ARHGAP15: variants seen among roughly 807,000 people sequenced by gnomAD.
ARHGAP15 encodes rho GTPase-activating protein 15.
ARHGAP15 carries 51 observed loss-of-function variants against 63.7 expected under a neutral mutation model. The observed-to-expected ratio is 0.80, with a 90% confidence interval of 0.64 to 1.01. The LOEUF is 1.01. Among genes scored for constraint, ARHGAP15 ranks in the 50% least tolerant of loss-of-function variants. The pLI, the probability that ARHGAP15 is intolerant of heterozygous loss-of-function variation, is 0.00. For missense variants in ARHGAP15, 560 were observed against 564.6 expected (o/e 0.99, Z 0.08); for synonymous variants, 191 against 193.8 (o/e 0.99, Z 0.12).
chr2:143,666,058 G>GA (rs1160706722), intron 12 of ARHGAP15, among the ~76,000 whole-genome samples: 4 of 151,254 alleles, frequency 2.6e-5, no homozygotes, highest in African/African-American at 4.9e-5. Flanking sequence ...CACAGAATTG[G>GA]AAAAAACTAC....
chr2:143,704,268 G>C (rs1319499738), intron 13 of ARHGAP15, among the ~76,000 whole-genome samples: 1 of 152,158 alleles, frequency 6.6e-6, no homozygotes. Context: ...AGATTGATCT[G>C]GCTGCTAAGT....
At chr2:143,682,487 C>T (rs1683145818) in intron 12 of ARHGAP15, among the ~76,000 whole-genome samples, 1 of 152,094 alleles carries the variant, frequency 6.6e-6, no homozygotes, top group African/African-American at 2.4e-5. Flanking sequence ...TACATATATA[C>T]ATATATACAC....
intron 11 of ARHGAP15, among the ~76,000 whole-genome samples, chr2:143,578,605 C>T (rs1014342539): frequency 1.3e-5 from 2 of 152,092 alleles, no homozygotes; most frequent in Non-Finnish European, 2.9e-5. Flanking sequence ...TAATTTTGGT[C>T]ATTTTTAGTG....
chr2:143,416,486 G>A (rs1479436818), intron 6 of ARHGAP15, among the ~76,000 whole-genome samples: 1 of 96,506 alleles, frequency 1.0e-5, no homozygotes, highest in South Asian at 2.9e-4. Flanking sequence ...ATTGCAGTTG[G>A]TCTGGTCTCC....
chr2:143,259,579 T>G (rs1680610517), intron 6 of ARHGAP15, among the ~76,000 whole-genome samples: 2 of 152,158 alleles, frequency 1.3e-5, no homozygotes, highest in African/African-American at 2.4e-5. Flanking sequence ...GGTGGCTACT[T>G]GGCATTTCAA....
intron 9 of ARHGAP15, among the ~76,000 whole-genome samples, chr2:143,518,392 G>A (rs1693913364): frequency 6.6e-6 from 1 of 152,152 alleles, no homozygotes; most frequent in Non-Finnish European, 1.5e-5. Flanking sequence ...ATTTCACAGT[G>A]GGTATTCTCG....
At chr2:143,593,157 C>T (rs1458409690) in intron 11 of ARHGAP15, 1 of 152,178 alleles carries the variant, frequency 6.6e-6, no homozygotes, top group Non-Finnish European at 1.5e-5. Flanking sequence ...TTCACTCACA[C>T]AGGACTCATT....
intron 6 of ARHGAP15, among the ~76,000 whole-genome samples, chr2:143,326,663 AGT>A (rs1240045150): frequency 6.6e-6 from 1 of 152,078 alleles, no homozygotes; most frequent in African/African-American, 2.4e-5. Context: ...ATTATTTCTG[AGT>A]GTATGCATTC....
At chr2:143,570,158 A>T (rs945186588) in intron 11 of ARHGAP15, among the ~76,000 whole-genome samples, 1 of 152,186 alleles carries the variant, frequency 6.6e-6, no homozygotes, top group Admixed American at 6.5e-5. Context: ...AACCATCCTA[A>T]TGAAGTAATC....
At chr2:143,393,499 G>A (rs796908944) in intron 6 of ARHGAP15, among the ~76,000 whole-genome samples, 41 of 152,044 alleles carry the variant, frequency 2.7e-4, no homozygotes, top group African/African-American at 8.9e-4. Flanking sequence ...TTTGGGAGGC[G>A]AAGGTGGGTG....
At chr2:143,551,334 G>A (rs765073986) in intron 10 of ARHGAP15, among the ~76,000 whole-genome samples, 31 of 151,402 alleles carry the variant, frequency 2.0e-4, no homozygotes, top group Non-Finnish European at 2.9e-4. Flanking sequence ...AAATTTTGGC[G>A]GGGGGAAGAT....
chr2:143,215,665 G>C (rs563947348), intron 3 of ARHGAP15, among the ~76,000 whole-genome samples: 4 of 152,244 alleles, frequency 2.6e-5, no homozygotes, highest in African/African-American at 9.6e-5. Context: ...AAAACACCTA[G>C]TACAGACTTT....
At chr2:143,692,523 G>T (rs1683656156) in intron 12 of ARHGAP15, among the ~76,000 whole-genome samples, 1 of 152,192 alleles carries the variant, frequency 6.6e-6, no homozygotes, top group African/African-American at 2.4e-5. Context: ...TGGCAAGAGG[G>T]TGTGAAACTA....
intron 2 of ARHGAP15, among the ~76,000 whole-genome samples, chr2:143,176,935 C>T (rs146884971): frequency 6.6e-6 from 1 of 152,160 alleles, no homozygotes; most frequent in Non-Finnish European, 1.5e-5. Flanking sequence ...TCCATGGCCT[C>T]CTTCAGCTTC....
chr2:143,229,361 C>G (rs1693350130), intron 5 of ARHGAP15, among the ~76,000 whole-genome samples: 1 of 152,074 alleles, frequency 6.6e-6, no homozygotes, highest in South Asian at 2.1e-4. Context: ...ATTTCTGTAT[C>G]CTGTAGTTAT....
At chr2:143,245,674 C>G (rs530565574) in intron 5 of ARHGAP15, among the ~76,000 whole-genome samples, 2 of 150,674 alleles carry the variant, frequency 1.3e-5, no homozygotes, top group Admixed American at 6.6e-5. Flanking sequence ...AGGACACAAT[C>G]TATTTGAGGG....
chr2:143,329,423 C>A (rs574964224), intron 6 of ARHGAP15, among the ~76,000 whole-genome samples: 1 of 152,260 alleles, frequency 6.6e-6, no homozygotes, highest in East Asian at 1.9e-4. Context: ...GAGGGGTGGC[C>A]TCTGGGAGGT....
At chr2:143,295,889 C>A (rs1476622130) in intron 6 of ARHGAP15, among the ~76,000 whole-genome samples, 1 of 151,934 alleles carries the variant, frequency 6.6e-6, no homozygotes, top group Non-Finnish European at 1.5e-5. Context: ...GTTCTGGGAA[C>A]AAAGGCTGGG....
At chr2:143,271,729 G>A (rs908215768) in intron 6 of ARHGAP15, among the ~76,000 whole-genome samples, 2 of 152,182 alleles carry the variant, frequency 1.3e-5, no homozygotes, top group Non-Finnish European at 2.9e-5. Context: ...GCCCGCCTTG[G>A]CCTCCCAAAG....
Sources: allele counts gnomAD v4.1 joint callset (sites outside exome capture counted in the v4.1 genomes callset), GRCh38; gene constraint gnomAD v4.1.1; transcripts MANE v1.5; gene names NCBI Gene and HGNC (gene_info 2026-07-23, HGNC 2026-07-21).